Variants in TACC2 observed in about 807,000 individuals in gnomAD.
The protein encoded by TACC2 is transforming acidic coiled-coil-containing protein 2.
Under a neutral mutation model 227.3 loss-of-function variants are expected in TACC2, and 137 were observed. The observed-to-expected ratio is 0.60, with a 90% confidence interval of 0.52 to 0.69. The LOEUF (loss-of-function observed/expected upper bound fraction) is 0.69, where lower values mean the gene tolerates loss of function less well. Ranked by LOEUF, TACC2 falls within the 30% of genes least tolerant of loss-of-function variation. The probability of loss-of-function intolerance (pLI) is 0.00; values close to 1 mark genes in which losing one functional copy is unlikely to be tolerated. For synonymous variants in TACC2, 1,523 were observed against 1,487.5 expected (o/e 1.02, Z -0.55); for missense variants, 3,470 against 3,694.4 (o/e 0.94, Z 1.57).
At chr10:122,096,070 G>A (rs953596171) in intron 5 of TACC2, among the ~76,000 whole-genome samples, 2 of 152,164 alleles carry the variant, frequency 1.3e-5, no homozygotes, top group East Asian at 1.9e-4. Context: ...GCTGGTGCTC[G>A]GTGAGTATTA....
At chr10:122,073,845 T>A (rs1351933308) in intron 3 of TACC2, among the ~76,000 whole-genome samples, 2 of 152,256 alleles carry the variant, frequency 1.3e-5, no homozygotes, top group East Asian at 3.9e-4. Context: ...AGTGGCGCAA[T>A]CTCGGCTTAC....
chr10:122,067,647 T>C (rs756622520), intron 3 of TACC2, among the ~76,000 whole-genome samples: 4 of 151,944 alleles, frequency 2.6e-5, no homozygotes, highest in Non-Finnish European at 4.4e-5. Context: ...GCTGGAATTA[T>C]AGGCGTATGC....
chr10:122,001,280 T>C (rs1241075838), intron 1 of TACC2, among the ~76,000 whole-genome samples: 2 of 152,222 alleles, frequency 1.3e-5, no homozygotes, highest in Admixed American at 6.5e-5. Flanking sequence ...GTTTCACATG[T>C]CTGGGGAGGC....
Position 122,084,835 on chromosome 10 carries a change from C to G in TACC2, c.2335C>G (p.Pro779Ala). ...GAGACAGGAATTTCATGCTGGGGTG[C>G]CACATCCCCCCCAGGGGGAGAACTT... ...ASRQEFHAGV[P>A]HPPQGENLAA... Residue 779 changes from proline (P) to alanine (A), a missense_variant, in exon 4 of 23, where the codon CCA (proline) becomes GCA (alanine). Pro to Ala is a conservative substitution (Grantham distance 27). Coordinates refer to ENST00000369005, the MANE Select transcript of TACC2 (RefSeq NM_206862.4). 8 of 1,613,772 alleles carry G rather than the reference C, an allele frequency of 5.0e-6. No individual in the cohort carries two copies. The highest frequency in any genetic ancestry group is 1.1e-5 in the South Asian group (1 of 91,086).
chr10:122,071,065 A>T (rs1360806845), intron 3 of TACC2, among the ~76,000 whole-genome samples: 1 of 152,244 alleles, frequency 6.6e-6, no homozygotes, highest in Non-Finnish European at 1.5e-5. Flanking sequence ...TCCATGAAGC[A>T]CTAGCAAGGG....
chr10:122,199,156 G>C (rs551604584), intron 8 of TACC2, among the ~76,000 whole-genome samples: 4 of 152,214 alleles, frequency 2.6e-5, no homozygotes, highest in Non-Finnish European at 4.4e-5. Flanking sequence ...CCTTTCCTCT[G>C]TCTCCCAGGA....
intron 1 of TACC2, among the ~76,000 whole-genome samples, chr10:122,013,591 C>T (rs1418386085): frequency 1.3e-5 from 2 of 152,180 alleles, no homozygotes; most frequent in Non-Finnish European, 2.9e-5. Context: ...CAAGCAGCCA[C>T]GGGAGCTGCT....
chr10:122,155,449 G>A (rs1037958614), intron 7 of TACC2, among the ~76,000 whole-genome samples: 1 of 152,192 alleles, frequency 6.6e-6, no homozygotes, highest in African/African-American at 2.4e-5. Context: ...GAACCAGAAC[G>A]TTTTTGTGGT....
At position 122,229,468 on chromosome 10, in the gene TACC2, A is replaced by G. The variant is rs1428702141; in HGVS notation, c.8019A>G (p.Leu2673=). 2.5e-6 allele frequency: 4 copies of G among 1,613,592 alleles called. No individual in the cohort carries two copies. The highest frequency in any genetic ancestry group is 3.4e-6 in the Non-Finnish European group (4 of 1,179,880). ...EPDLAEKNPP[L]FAQKLQEELE... is the part of the protein sequence containing the mutation. The stretch of plus-strand genomic sequence containing the variant: ...ACTTAGCAGAAAAGAACCCCCCACT[A>G]TTCGCTCAGAAACTCCAGGTTTGTA... The change falls in exon 15 of 23, where the codon CTA becomes CTG. Residue 2673 remains leucine (L), a synonymous_variant. Transcript: ENST00000369005.
chr10:122,088,971 C>A (rs915335258), intron 5 of TACC2, among the ~76,000 whole-genome samples: 2 of 152,050 alleles, frequency 1.3e-5, no homozygotes, highest in Non-Finnish European at 2.9e-5. Context: ...AAAGATTAGC[C>A]GGGCACAGTG....
chr10:122,167,054 G>T (rs1427568467), intron 7 of TACC2, among the ~76,000 whole-genome samples: 2 of 152,198 alleles, frequency 1.3e-5, no homozygotes, highest in African/African-American at 4.8e-5. Context: ...TGTAGTTGGA[G>T]ACCCCCGTTT....
At chr10:122,158,209 G>A (rs541165411) in intron 7 of TACC2, among the ~76,000 whole-genome samples, 125 of 152,192 alleles carry the variant, frequency 8.2e-4, no homozygotes, top group Middle Eastern at 3.4e-3. Flanking sequence ...GCAGCATGGT[G>A]AAACCCCATC....
chr10:122,092,890 T>C (rs982647097), intron 5 of TACC2, among the ~76,000 whole-genome samples: 1 of 152,232 alleles, frequency 6.6e-6, no homozygotes, highest in Non-Finnish European at 1.5e-5. Flanking sequence ...CATGTTAGTT[T>C]CAGGTTGTTC....
intron 5 of TACC2, among the ~76,000 whole-genome samples, chr10:122,099,218 C>T (rs2081860115): frequency 6.6e-6 from 1 of 152,212 alleles, no homozygotes; most frequent in Admixed American, 6.5e-5. Flanking sequence ...GTAGACTGTT[C>T]CTGGCAAGTG....
At chr10:122,172,433 A>G (rs1439380099) in intron 7 of TACC2, among the ~76,000 whole-genome samples, 1 of 152,056 alleles carries the variant, frequency 6.6e-6, no homozygotes, top group African/African-American at 2.4e-5. Flanking sequence ...GAAGCAGCCC[A>G]CATTCCAAGG....
chr10:122,191,408 A>G (rs1330757620), intron 7 of TACC2, among the ~76,000 whole-genome samples: 1 of 152,210 alleles, frequency 6.6e-6, no homozygotes, highest in Non-Finnish European at 1.5e-5. Flanking sequence ...AAAGTGTTAC[A>G]AGCCAGGGGT....
chr10:122,072,670 C>A (rs1168257879), intron 3 of TACC2, among the ~76,000 whole-genome samples: 2 of 152,172 alleles, frequency 1.3e-5, no homozygotes, highest in Non-Finnish European at 2.9e-5. Flanking sequence ...TAGGTGATGC[C>A]TCCCACGGTG....
intron 9 of TACC2, 90 bp from the exon 10 acceptor site, chr10:122,215,301 G>T (rs532609127): frequency 4.4e-5 from 53 of 1,213,716 alleles, no homozygotes; most frequent in South Asian, 2.4e-5. Context: ...AGATGGCTCC[G>T]CAGAGGCAGT....
rs1366653303 is a variant in TACC2 at position 122,085,629 on chromosome 10, C to T, written c.3129C>T (p.Ala1043=). ...TGGCAAGTGGAAACACAGGGGAGGC[C>T]CCACCTTGTCAGCCTGACTCAGTAG... ...REMASGNTGE[A]PPCQPDSVAL... The change falls in exon 4 of 23, where the codon GCC becomes GCT. Residue 1043 remains alanine, a synonymous_variant. Transcript: ENST00000369005. The T allele has an allele frequency of 1.2e-6, 2 of 1,613,392 alleles. No homozygotes were observed. Among genetic ancestry groups the T allele is most frequent in the Non-Finnish European group, 1.7e-6 (2 of 1,180,018 alleles).
Sources: gnomAD v4.1 joint callset for allele counts (sites outside exome capture counted in the v4.1 genomes callset) on GRCh38, gnomAD v4.1.1 for gene constraint, MANE v1.5 for transcripts, NCBI Gene and HGNC (gene_info 2026-07-23, HGNC 2026-07-21) for gene names.